The following ZC3H12B variants were observed in gnomAD, a reference collection of about 807,000 sequenced individuals.
The protein encoded by ZC3H12B is zinc finger CCCH-type containing 12B, also known as probable ribonuclease ZC3H12B.
Under a neutral mutation model 43.9 loss-of-function variants are expected in ZC3H12B, and 7 were observed. That is an observed-to-expected ratio of 0.16 (90% CI 0.09 to 0.30). The LOEUF is 0.30. Ranked by LOEUF, ZC3H12B falls within the 10% of genes least tolerant of loss-of-function variation. ZC3H12B has a pLI of 1.00. For synonymous variants in ZC3H12B, 222 were observed against 241.7 expected (o/e 0.92, Z 0.76); for missense variants, 475 against 670.2 (o/e 0.71, Z 3.22).
the ZC3H12B span, among the ~76,000 whole-genome samples, chrX:65,150,366 A>G: frequency 1.8e-5 from 2 of 110,618 alleles, no homozygotes; most frequent in African/African-American, 6.6e-5. Context: ...TGAATATTTC[A>G]GTTTTTTTTT....
chrX:65,279,654 G>C, the ZC3H12B span, among the ~76,000 whole-genome samples: 4 of 111,561 alleles, frequency 3.6e-5, no homozygotes, highest in Non-Finnish European at 7.5e-5. Context: ...CCTGGACATA[G>C]GAACAAGCAA....
the ZC3H12B span, among the ~76,000 whole-genome samples, chrX:65,115,672 T>A: frequency 8.9e-6 from 1 of 111,750 alleles, no homozygotes; most frequent in African/African-American, 3.2e-5. Flanking sequence ...CATTCCCACC[T>A]ACAGTATAAA....
chrX:65,361,050 T>C, the ZC3H12B span, among the ~76,000 whole-genome samples: 2 of 112,326 alleles, frequency 1.8e-5, no homozygotes, highest in African/African-American at 6.5e-5. Flanking sequence ...TTATGACATT[T>C]TATTGGTTTT....
chrX:65,311,672 C>A, the ZC3H12B span, among the ~76,000 whole-genome samples: 1 of 111,721 alleles, frequency 9.0e-6, no homozygotes, highest in Admixed American at 9.5e-5. Flanking sequence ...ATAAATCATG[C>A]TACTATAAAG....
intron 3 of ZC3H12B, among the ~76,000 whole-genome samples, chrX:65,453,566 A>T (rs1158612117): frequency 1.9e-5 from 2 of 105,390 alleles, no homozygotes; most frequent in Non-Finnish European, 3.9e-5. Context: ...ACCAAAAAAT[A>T]CAAAAATCAT....
the ZC3H12B span, among the ~76,000 whole-genome samples, chrX:65,165,388 C>A: frequency 9.0e-6 from 1 of 111,639 alleles, no homozygotes; most frequent in African/African-American, 3.3e-5. Flanking sequence ...GGTTTTAAGC[C>A]CTGCATGCAT....
the ZC3H12B span, among the ~76,000 whole-genome samples, chrX:65,302,981 C>A: frequency 9.0e-6 from 1 of 111,236 alleles, no homozygotes; most frequent in Non-Finnish European, 1.9e-5. Context: ...TAAACACAGA[C>A]CTCACACTAT....
chrX:65,345,887 T>A, the ZC3H12B span, among the ~76,000 whole-genome samples: 3 of 111,311 alleles, frequency 2.7e-5, no homozygotes, highest in Non-Finnish European at 5.7e-5. Context: ...CACACAAAAA[T>A]ATTCCTAGGA....
the ZC3H12B span, among the ~76,000 whole-genome samples, chrX:65,103,330 C>T: frequency 2.7e-5 from 3 of 111,971 alleles, no homozygotes; most frequent in Non-Finnish European, 5.6e-5. Context: ...CTGTTCCGCC[C>T]GGCTCTCAGG....
At chrX:65,289,538 A>G in the ZC3H12B span, among the ~76,000 whole-genome samples, 3 of 109,096 alleles carry the variant, frequency 2.7e-5, no homozygotes, top group Admixed American at 2.0e-4. Context: ...TTATGTATAT[A>G]TTTTATGTTA....
chrX:65,375,053 A>G (rs1294476436), intron 2 of ZC3H12B, among the ~76,000 whole-genome samples: 1 of 111,778 alleles, frequency 8.9e-6, no homozygotes, highest in Non-Finnish European at 1.9e-5. Flanking sequence ...AATCTCTAAT[A>G]TCACTCCTTC....
At chrX:65,421,286 C>G (rs774767629) in intron 3 of ZC3H12B, among the ~76,000 whole-genome samples, 4 of 112,193 alleles carry the variant, frequency 3.6e-5, no homozygotes, top group Non-Finnish European at 7.5e-5. Context: ...AGATTATGAA[C>G]AAAATGGTCA....
chrX:65,104,737 T>C, the ZC3H12B span, among the ~76,000 whole-genome samples: 1 of 111,670 alleles, frequency 9.0e-6, no homozygotes, highest in Non-Finnish European at 1.9e-5. Flanking sequence ...ATGGTGATCA[T>C]TAAAAGTCTG....
At chrX:65,323,711 T>G in the ZC3H12B span, among the ~76,000 whole-genome samples, 1 of 112,012 alleles carries the variant, frequency 8.9e-6, no homozygotes, top group Non-Finnish European at 1.9e-5. Flanking sequence ...ATATACCCAG[T>G]AATGGGATTG....
At chrX:65,319,061 G>C in the ZC3H12B span, among the ~76,000 whole-genome samples, 1 of 111,194 alleles carries the variant, frequency 9.0e-6, no homozygotes, top group Middle Eastern at 4.6e-3. Flanking sequence ...CAGAGCAGAG[G>C]ACAAGAAATA....
the ZC3H12B span, among the ~76,000 whole-genome samples, chrX:65,219,728 T>G: frequency 9.1e-6 from 1 of 109,771 alleles, no homozygotes; most frequent in African/African-American, 3.3e-5. Flanking sequence ...AAAATGTATT[T>G]GAGGAAATAA....
the ZC3H12B span, among the ~76,000 whole-genome samples, chrX:65,262,880 C>T: frequency 1.8e-5 from 2 of 110,708 alleles, no homozygotes; most frequent in African/African-American, 3.3e-5. Context: ...CCCCCTCTTA[C>T]TCACTGTGCC....
the ZC3H12B span, among the ~76,000 whole-genome samples, chrX:65,321,094 G>A: frequency 9.0e-6 from 1 of 111,589 alleles, no homozygotes; most frequent in Non-Finnish European, 1.9e-5. Flanking sequence ...ACTATCAACA[G>A]AGTAAACAGA....
chrX:65,359,466 G>A, the ZC3H12B span, among the ~76,000 whole-genome samples: 1 of 111,933 alleles, frequency 8.9e-6, no homozygotes, highest in Non-Finnish European at 1.9e-5. Flanking sequence ...ATGGGAGGAG[G>A]ACAAAATATC....
Sources: allele counts gnomAD v4.1 joint callset (sites outside exome capture counted in the v4.1 genomes callset), GRCh38; gene constraint gnomAD v4.1.1; transcripts MANE v1.5; gene names NCBI Gene and HGNC (gene_info 2026-07-23, HGNC 2026-07-21).